Variants in CBLB observed in about 807,000 individuals in gnomAD.
CBLB encodes Cbl proto-oncogene B.
CBLB carries 31 observed loss-of-function variants against 104.9 expected under a neutral mutation model. That is an observed-to-expected ratio of 0.30 (90% CI 0.22 to 0.40). CBLB has a LOEUF of 0.40. Ranked by LOEUF, CBLB falls within the 10% of genes least tolerant of loss-of-function variation. The pLI is 1.00. For missense variants in CBLB, 1,062 were observed against 1,214.6 expected (o/e 0.87, Z 1.87); for synonymous variants, 440 against 422.6 (o/e 1.04, Z -0.51).
chr3:105,780,009 A>G (rs2079985751), intron 3 of CBLB, among the ~76,000 whole-genome samples: 1 of 151,752 alleles, frequency 6.6e-6, no homozygotes, highest in African/African-American at 2.4e-5. Context: ...ATGCACCACC[A>G]TGCCCGTCTA....
At chr3:105,786,063 G>GC (rs1553794665) in intron 3 of CBLB, among the ~76,000 whole-genome samples, 2 of 133,944 alleles carry the variant, frequency 1.5e-5, no homozygotes, top group African/African-American at 5.5e-5. Context: ...GAGAGGATCG[G>GC]GGGGGGGAAA....
At chr3:105,795,056 G>T (rs2082107536) in intron 3 of CBLB, among the ~76,000 whole-genome samples, 1 of 151,958 alleles carries the variant, frequency 6.6e-6, no homozygotes, top group Non-Finnish European at 1.5e-5. Flanking sequence ...TGGGACTACA[G>T]ACACGCACCA....
In CBLB at chr3:105,818,748, C is replaced by T. The variant is rs148915527; in HGVS notation, c.419+34666G>A. On this transcript the variant is annotated intron_variant, in intron 3 of 18. Coordinates refer to ENST00000394030, the MANE Select transcript of CBLB (RefSeq NM_170662.5). ...TAAATACGAAAAGCATACAGATGTTCAGAAAAATAGATTGTGAAGATTAGT... is the reference window on the plus strand; with the variant it reads ...TAAATACGAAAAGCATACAGATGTTTAGAAAAATAGATTGTGAAGATTAGT... Among the ~76,000 whole-genome samples, 923 of 152,106 alleles carry T rather than the reference C, an allele frequency of 6.1e-3. 11 individuals carry two copies. The highest frequency in any genetic ancestry group is 0.021 in the African/African-American group (877 of 41,522).
At position 105,813,555 on chromosome 3, in the gene CBLB, G is replaced by A. The variant is rs577360416; in HGVS notation, c.420-37013C>T. Among the ~76,000 whole-genome samples, 4 of 152,060 alleles carry A rather than the reference G, an allele frequency of 2.6e-5. No homozygotes were observed. In the South Asian group the frequency reaches 6.2e-4, roughly 24 times the overall value. ...TCAATTACCAACTAGTCTTTCAGTT[G>A]TCAATTATACTTCAATAAAGCTGGA... On this transcript the variant is annotated intron_variant, in intron 3 of 18. Transcript: ENST00000394030.
chr3:105,727,541 C>G (rs926999652), intron 9 of CBLB, among the ~76,000 whole-genome samples: 1 of 151,852 alleles, frequency 6.6e-6, no homozygotes, highest in Non-Finnish European at 1.5e-5. Flanking sequence ...TACAGAAGCT[C>G]TTTAATTAGA....
At chr3:105,778,116 T>A (rs552205686) in intron 3 of CBLB, among the ~76,000 whole-genome samples, 4 of 150,864 alleles carry the variant, frequency 2.7e-5, no homozygotes, top group East Asian at 3.9e-4. Flanking sequence ...AGAGAGAGAG[T>A]GTGTGTGTGT....
intron 3 of CBLB, among the ~76,000 whole-genome samples, chr3:105,834,121 T>C (rs1043345693): frequency 1.2e-4 from 19 of 152,108 alleles, no homozygotes; most frequent in Non-Finnish European, 2.6e-4. Context: ...GATGAAGAGC[T>C]ATTGGTCAAA....
chr3:105,779,642 G>T (rs977085610), intron 3 of CBLB, among the ~76,000 whole-genome samples: 9 of 150,694 alleles, frequency 6.0e-5, no homozygotes, highest in South Asian at 2.1e-4. Flanking sequence ...ACCAAGGTAT[G>T]AAAAGAACTG....
chr3:105,852,555 G>A (rs1168136588), intron 3 of CBLB, among the ~76,000 whole-genome samples: 1 of 152,052 alleles, frequency 6.6e-6, no homozygotes, highest in African/African-American at 2.4e-5. Flanking sequence ...TGTTCATATT[G>A]GAAAAGAAAT....
Position 105,658,945 on chromosome 3 carries a change from A to G in CBLB, c.*25T>C, listed in dbSNP as rs1433260991. 1.2e-6 allele frequency: 2 copies of G among 1,612,076 alleles called. No homozygotes were observed. The highest frequency in any genetic ancestry group is 1.7e-6 in the Non-Finnish European group (2 of 1,178,616). On this transcript the variant is annotated 3_prime_UTR_variant, in exon 19 of 19. Coordinates refer to ENST00000394030, the MANE Select transcript of CBLB (RefSeq NM_170662.5). ...TCTTGGAATACATCGATTGCTTTCC[A>G]TTTTGGTGTCTACAGTTCTGGCTGC...
chr3:105,686,354 ACT>A (rs907635057), intron 13 of CBLB, among the ~76,000 whole-genome samples: 3 of 152,080 alleles, frequency 2.0e-5, no homozygotes, highest in Non-Finnish European at 4.4e-5. Flanking sequence ...AGGACGACCA[ACT>A]AGTTTGCAAG....
intron 12 of CBLB, among the ~76,000 whole-genome samples, chr3:105,701,872 T>C (rs2069172951): frequency 6.6e-6 from 1 of 152,176 alleles, no homozygotes; most frequent in African/African-American, 2.4e-5. Context: ...GCAAATTGTC[T>C]AGTGTCTTCA....
intron 10 of CBLB, among the ~76,000 whole-genome samples, chr3:105,708,492 A>C (rs2152801344): frequency 6.6e-6 from 1 of 152,242 alleles, no homozygotes; most frequent in Admixed American, 6.5e-5. Context: ...AGAAAATGTA[A>C]ATTTCAAGTA....
chr3:105,697,656 C>T (rs551862769), intron 12 of CBLB, among the ~76,000 whole-genome samples: 1 of 152,022 alleles, frequency 6.6e-6, no homozygotes, highest in Non-Finnish European at 1.5e-5. Flanking sequence ...TGCCTCTCCA[C>T]CAAAAGTACA....
intron 3 of CBLB, among the ~76,000 whole-genome samples, chr3:105,782,594 T>C (rs7612889): frequency 0.017 from 2,492 of 150,312 alleles, 37 homozygotes; most frequent in African/African-American, 0.057. Context: ...TTTTTTTTTT[T>C]TTTTTTTTTG....
intron 17 of CBLB, chr3:105,673,096 T>C (rs1315762953): frequency 6.8e-6 from 1 of 146,748 alleles, no homozygotes; most frequent in South Asian, 2.2e-4. Flanking sequence ...TGAGAGAGCG[T>C]CTTGTTCTGT....
At chr3:105,866,451 G>C (rs965295863) in intron 2 of CBLB, among the ~76,000 whole-genome samples, 2 of 152,084 alleles carry the variant, frequency 1.3e-5, no homozygotes, top group African/African-American at 2.4e-5. Context: ...ACTGAGTCTT[G>C]CCTCAACTAA....
chr3:105,677,556 T>C lies in CBLB; in HGVS notation c.2569+875A>G, dbSNP rs73195908. On this transcript the variant is annotated intron_variant, in intron 17 of 18. Transcript: ENST00000394030. ...GTAAGGAACTATGAAAAAAAGAACA[T>C]CTTTACCCTGTATTTTCCCAAATCA... 6.5e-3 allele frequency among the ~76,000 whole-genome samples: 990 copies of C among 151,826 alleles called. 15 individuals carry two copies. The highest frequency in any genetic ancestry group is 8.7e-3 in the Non-Finnish European group (594 of 67,932).
intron 9 of CBLB, among the ~76,000 whole-genome samples, chr3:105,727,478 T>C (rs996791719): frequency 6.6e-6 from 1 of 152,218 alleles, no homozygotes; most frequent in Non-Finnish European, 1.5e-5. Context: ...CTGTAAAAAT[T>C]TTCCCTCATT....
Sources: gnomAD v4.1 joint callset for allele counts (sites outside exome capture counted in the v4.1 genomes callset) on GRCh38, gnomAD v4.1.1 for gene constraint, MANE v1.5 for transcripts, NCBI Gene and HGNC (gene_info 2026-07-23, HGNC 2026-07-21) for gene names.